The following GALNT7 variants were observed in gnomAD, a reference collection of about 807,000 sequenced individuals.
The protein encoded by GALNT7 is polypeptide N-acetylgalactosaminyltransferase 7, also known as N-acetylgalactosaminyltransferase 7.
In GALNT7, 60 loss-of-function variants were observed where a neutral mutation model predicts 82.1. That is an observed-to-expected ratio of 0.73 (90% CI 0.59 to 0.91). The LOEUF (loss-of-function observed/expected upper bound fraction) is 0.91. GALNT7 is among the 40% of genes least tolerant of loss of function. The pLI is 0.00. For synonymous variants in GALNT7, 243 were observed against 275.1 expected (o/e 0.88, Z 1.15); for missense variants, 660 against 804.2 (o/e 0.82, Z 2.17).
At chr4:173,293,034 C>G (rs1419486570) in intron 3 of GALNT7, among the ~76,000 whole-genome samples, 2 of 152,034 alleles carry the variant, frequency 1.3e-5, no homozygotes, top group Admixed American at 1.3e-4. Context: ...TATCTCAAGA[C>G]AAATGATACT....
intron 1 of GALNT7, among the ~76,000 whole-genome samples, chr4:173,222,224 A>G (rs182033258): frequency 1.3e-5 from 2 of 152,190 alleles, no homozygotes; most frequent in African/African-American, 4.8e-5. Context: ...TATACCACAT[A>G]TTTATGCTTG....
At chr4:173,226,823 A>G (rs1030775425) in intron 1 of GALNT7, among the ~76,000 whole-genome samples, 3 of 152,216 alleles carry the variant, frequency 2.0e-5, no homozygotes, top group Non-Finnish European at 4.4e-5. Flanking sequence ...AGGCTATGTT[A>G]CAAATGCACT....
Position 173,248,460 on chromosome 4 carries a change from T to C in GALNT7, c.587+20T>C. ...AGAAGAGTAAGCACACATCCTCTTC[T>C]TTCTAAAAATGGGGCAACTGTTGTT... is the stretch of plus-strand genomic sequence containing the variant. On this transcript the variant is annotated intron_variant, in intron 2 of 11. Coordinates refer to ENST00000265000, the MANE Select transcript of GALNT7 (RefSeq NM_017423.3). 6.9e-7 allele frequency: 1 copy of C among 1,449,360 alleles called. No individual in the cohort carries two copies. Among genetic ancestry groups the C allele is most frequent in the South Asian group, 1.2e-5 (1 of 81,472 alleles). 89.8% of individuals were successfully genotyped at this position (1,449,360 alleles called of 1,614,324 possible).
At chr4:173,314,954 G>A (rs1369960421) in intron 9 of GALNT7, among the ~76,000 whole-genome samples, 1 of 152,178 alleles carries the variant, frequency 6.6e-6, no homozygotes. Context: ...GAGAAGCAAA[G>A]TCGTTTTTCT....
intron 2 of GALNT7, among the ~76,000 whole-genome samples, chr4:173,254,733 C>T (rs1734968322): frequency 6.6e-6 from 1 of 152,112 alleles, no homozygotes; most frequent in Non-Finnish European, 1.5e-5. Context: ...ATAGATTGCC[C>T]AAAACATATT....
At chr4:173,190,430 C>T (rs1436667336) in intron 1 of GALNT7, among the ~76,000 whole-genome samples, 2 of 152,176 alleles carry the variant, frequency 1.3e-5, no homozygotes, top group South Asian at 4.1e-4. Context: ...AAGGTAATAC[C>T]GTATAATTTT....
At chr4:173,276,061 G>C (rs1477901973) in intron 2 of GALNT7, among the ~76,000 whole-genome samples, 1 of 152,108 alleles carries the variant, frequency 6.6e-6, no homozygotes, top group Non-Finnish European at 1.5e-5. Context: ...AATTCCATGA[G>C]CATTGATTTT....
intron 1 of GALNT7, among the ~76,000 whole-genome samples, chr4:173,183,821 GA>G (rs1197658732): frequency 6.6e-6 from 1 of 150,866 alleles, no homozygotes; most frequent in Admixed American, 6.6e-5. Flanking sequence ...GCCGGGCGGG[GA>G]CTGTCCCCCA....
At chr4:173,177,093 C>A (rs1732071985) in intron 1 of GALNT7, among the ~76,000 whole-genome samples, 1 of 152,178 alleles carries the variant, frequency 6.6e-6, no homozygotes, top group Non-Finnish European at 1.5e-5. Context: ...AAAGCACTGG[C>A]TCTCAAACTT....
Position 173,208,241 on chromosome 4 carries a change from T to G in GALNT7, c.126+39280T>G, listed in dbSNP as rs933893620. 5.9e-5 allele frequency among the ~76,000 whole-genome samples: 9 copies of G among 152,206 alleles called. No individual in the cohort carries two copies. The South Asian group carries it at 6.2e-4, about 10-fold the overall frequency. Reference sequence around the variant, plus strand: ...AAATGAAAAGTATAATCATGCTGTTTTCTTATTTTCTACCTAACAGCATTA... The same window carrying G: ...AAATGAAAAGTATAATCATGCTGTTGTCTTATTTTCTACCTAACAGCATTA... On this transcript the variant is annotated intron_variant, in intron 1 of 11. Coordinates refer to ENST00000265000, the MANE Select transcript of GALNT7 (RefSeq NM_017423.3).
At chr4:173,274,124 T>C (rs1735820181) in intron 2 of GALNT7, among the ~76,000 whole-genome samples, 1 of 152,190 alleles carries the variant, frequency 6.6e-6, no homozygotes, top group South Asian at 2.1e-4. Context: ...TGAAGAAATA[T>C]ACAAGAACAT....
At chr4:173,281,690 C>T (rs1169265664) in intron 2 of GALNT7, among the ~76,000 whole-genome samples, 1 of 152,216 alleles carries the variant, frequency 6.6e-6, no homozygotes, top group Non-Finnish European at 1.5e-5. Context: ...TGGATAGTCT[C>T]CTCCAAAGCT....
chr4:173,190,506 C>A (rs1484670767), intron 1 of GALNT7, among the ~76,000 whole-genome samples: 1 of 152,048 alleles, frequency 6.6e-6, no homozygotes, highest in African/African-American at 2.4e-5. Flanking sequence ...TTAGTTCCAC[C>A]TTTTCCTTGC....
At chr4:173,192,895 C>T (rs536961573) in intron 1 of GALNT7, among the ~76,000 whole-genome samples, 60 of 152,316 alleles carry the variant, frequency 3.9e-4, no homozygotes, top group African/African-American at 1.3e-3. Flanking sequence ...ACTGTATTCT[C>T]TCTCCTGGGA....
intron 2 of GALNT7, among the ~76,000 whole-genome samples, chr4:173,281,063 G>GT (rs1579985933): frequency 1.3e-5 from 2 of 152,306 alleles, no homozygotes; most frequent in East Asian, 3.9e-4. Context: ...TCTCTGGGCT[G>GT]TTTCTGTGCT....
chr4:173,262,641 A>G (rs1019592862), intron 2 of GALNT7, among the ~76,000 whole-genome samples: 6 of 152,142 alleles, frequency 3.9e-5, no homozygotes, highest in Admixed American at 6.5e-5. Context: ...CAGATAACCA[A>G]TCTCAGTGAC....
intron 1 of GALNT7, among the ~76,000 whole-genome samples, chr4:173,203,470 T>C (rs920590064): frequency 1.3e-4 from 20 of 152,362 alleles, no homozygotes; most frequent in African/African-American, 4.8e-4. Flanking sequence ...AAAGTAATTA[T>C]TGACAGGTAA....
At chr4:173,185,727 TTTG>T (rs1186134794) in intron 1 of GALNT7, among the ~76,000 whole-genome samples, 4 of 152,190 alleles carry the variant, frequency 2.6e-5, no homozygotes, top group African/African-American at 9.7e-5. Context: ...TGTGTTTTGT[TTTG>T]TTTTTTTAAT....
At position 173,245,228 on chromosome 4, in the gene GALNT7, A is replaced by C. The variant is rs1031226331; in HGVS notation, c.127-2752A>C. ...GAACCATTAAGTCAAAAAAAAAAAA[A>C]AAAAACAACTTTTGGAGGAAAATAA... On this transcript the variant is annotated intron_variant, in intron 1 of 11. Coordinates refer to ENST00000265000, the MANE Select transcript of GALNT7 (RefSeq NM_017423.3). Among the ~76,000 whole-genome samples the C allele has an allele frequency of 5.3e-5, 8 of 152,250 alleles. No individual in the cohort carries two copies. The East Asian group carries it at 1.4e-3, about 26-fold the overall frequency.
Sources: allele counts gnomAD v4.1 joint callset (sites outside exome capture counted in the v4.1 genomes callset), GRCh38; gene constraint gnomAD v4.1.1; transcripts MANE v1.5; gene names NCBI Gene and HGNC (gene_info 2026-07-23, HGNC 2026-07-21).